The following NAP1L4 variants were observed in gnomAD, a reference collection of about 807,000 sequenced individuals.
NAP1L4 encodes the protein nucleosome assembly protein 1-like 4.
In NAP1L4, 15 loss-of-function variants were observed where a neutral mutation model predicts 58.2. The observed-to-expected ratio is 0.26, with a 90% confidence interval of 0.17 to 0.40. NAP1L4 has a LOEUF of 0.40. Ranked by LOEUF, NAP1L4 falls within the 10% of genes least tolerant of loss-of-function variation. The pLI is 1.00. For missense variants in NAP1L4, 384 were observed against 451.1 expected (o/e 0.85, Z 1.35); for synonymous variants, 171 against 155.6 (o/e 1.10, Z -0.74).
rs1186671419 is a variant in NAP1L4 at position 2,986,695 on chromosome 11, C to T, written c.-18+5559G>A. ...AGGCTGGCGTGCAGTGGCGCGATCT[C>T]GGCTCACTGCAACCTCCACCTCCCA... On this transcript the variant is annotated intron_variant, in intron 1 of 15. Transcript: ENST00000380542. Among the ~76,000 whole-genome samples, 3 of 149,018 alleles carry T rather than the reference C, an allele frequency of 2.0e-5. 1 individual carries two copies. The highest frequency in any genetic ancestry group is 7.5e-5 in the African/African-American group (3 of 40,218).
chr11:2,971,538 C>T lies in NAP1L4; in HGVS notation c.316-4G>A. 6.2e-7 allele frequency: 1 copy of T among 1,611,972 alleles called. No homozygotes were observed. Among genetic ancestry groups the T allele is most frequent in the South Asian group, 1.1e-5 (1 of 91,012 alleles). ...CGCCGGTGATAAATTCTCTTCTCTA[C>T]ATAAAAATGAGACCTTATTAGAATT... On this transcript the variant is annotated splice_polypyrimidine_tract_variant and splice_region_variant and intron_variant, in intron 5 of 15. Coordinates refer to ENST00000380542, the MANE Select transcript of NAP1L4 (RefSeq NM_005969.4). The surrounding 1 kb of genome is among the most constrained non-coding windows in gnomAD (Gnocchi z 4.2).
chr11:2,975,931 T>A, intron 4 of NAP1L4, 93 bp downstream of exon 4: 1 of 1,117,660 alleles, frequency 8.9e-7, no homozygotes. Context: ...AAAAAAACAT[T>A]TAATCCTGTT....
Position 2,946,343 on chromosome 11 carries a change from G to A in NAP1L4, c.*33-697C>T, listed in dbSNP as rs1845939683. 6.6e-6 allele frequency among the ~76,000 whole-genome samples: 1 copy of A among 152,168 alleles called. No homozygotes were observed. ...GGGACACAAAATTCCCCTCCCAGAG[G>A]AATGGATTAACTCCAATATTATCTA... On this transcript the variant is annotated intron_variant, in intron 15 of 15. Transcript: ENST00000380542. This position sits in a 1 kb window ranked among gnomAD's most constrained non-coding sequence, Gnocchi z 4.8.
At chr11:2,973,383 T>A (rs1847762537) in intron 4 of NAP1L4, among the ~76,000 whole-genome samples, 1 of 152,212 alleles carries the variant, frequency 6.6e-6, no homozygotes, top group Admixed American at 6.5e-5. Context: ...CCTGGCCTCA[T>A]CATAGACCCA....
intron 14 of NAP1L4, among the ~76,000 whole-genome samples, chr11:2,950,055 A>G (rs1200076759): frequency 6.6e-6 from 1 of 152,248 alleles, no homozygotes; most frequent in Non-Finnish European, 1.5e-5. Context: ...GATGGGCAGC[A>G]TTTATTCACC....
chr11:2,987,117 C>T (rs1848680025), intron 1 of NAP1L4, among the ~76,000 whole-genome samples: 1 of 151,970 alleles, frequency 6.6e-6, no homozygotes, highest in South Asian at 2.1e-4. Context: ...ATCAAGATAC[C>T]CCTGTAGGAC....
intron 1 of NAP1L4, chr11:2,988,208 T>C (rs7127415): frequency 0.4 from 60,171 of 152,180 alleles, 13,352 homozygotes; most frequent in African/African-American, 0.6. Context: ...CAGCAGTCTT[T>C]ACTGCTGCAC....
intron 8 of NAP1L4, among the ~76,000 whole-genome samples, chr11:2,963,333 C>T (rs1022192752): frequency 1.2e-4 from 18 of 152,100 alleles, no homozygotes; most frequent in African/African-American, 3.6e-4. Context: ...CGTGCCCAGG[C>T]GGCTCCTGGG....
rs371713678 is a variant in NAP1L4, at chr11:2,971,404, C to T, written c.402+44G>A. On this transcript the variant is annotated intron_variant, in intron 6 of 15. Transcript: ENST00000380542. This position sits in a 1 kb window ranked among gnomAD's most constrained non-coding sequence, Gnocchi z 4.2. ...ATCATTAAAAAATGCTTATTTTTAACAGTATTAAAACAGAACATGAGTCAC... is the reference window on the plus strand; with the variant it reads ...ATCATTAAAAAATGCTTATTTTTAATAGTATTAAAACAGAACATGAGTCAC... 7 of 1,514,788 alleles carry T rather than the reference C, an allele frequency of 4.6e-6. No homozygotes were observed. The highest frequency in any genetic ancestry group is 1.2e-5 in the South Asian group (1 of 86,640). The allele number at this position is 1,514,788 out of a possible 1,614,324, so 93.8% of individuals were successfully genotyped here. A position where few individuals can be genotyped will look rare whatever the true frequency, so the allele number is the denominator to read the frequency against.
rs568130851 is a variant in NAP1L4, at chr11:2,946,526, T to C, written c.*33-880A>G. On this transcript the variant is annotated intron_variant, in intron 15 of 15. Coordinates refer to ENST00000380542, the MANE Select transcript of NAP1L4 (RefSeq NM_005969.4). This position sits in a 1 kb window ranked among gnomAD's most constrained non-coding sequence, Gnocchi z 4.8. ...TATGATTTCTGGCTAAGATTACAAA[T>C]TGCCCTTAATCCAGCGTGCCTATGG... Among the ~76,000 whole-genome samples the C allele has an allele frequency of 8.5e-5, 13 of 152,282 alleles. No individual in the cohort carries two copies. In the South Asian group the frequency reaches 2.7e-3, roughly 32 times the overall value.
chr11:2,982,194 A>G (rs1208027889), intron 1 of NAP1L4, among the ~76,000 whole-genome samples: 1 of 152,212 alleles, frequency 6.6e-6, no homozygotes, highest in Non-Finnish European at 1.5e-5. Flanking sequence ...CAATAGCAGG[A>G]CCGCTACAGT....
In NAP1L4 at chr11:2,976,008, T is replaced by C. The variant is rs1332768460; in HGVS notation, c.173+16A>G. ...TTTCTCCAAATTGCATGAGACCCTA[T>C]TCACAGCACACTTACGTTTCGATGT... On this transcript the variant is annotated intron_variant, in intron 4 of 15. Transcript: ENST00000380542. 1 of 1,602,264 alleles carries C rather than the reference T, an allele frequency of 6.2e-7. No homozygotes were observed. Among genetic ancestry groups the C allele is most frequent in the Non-Finnish European group, 8.5e-7 (1 of 1,174,574 alleles).
chr11:2,951,010 G>T lies in NAP1L4; in HGVS notation c.1122+249C>A. ...ACTTGGAAAGTCAAGTTGCTCTACT[G>T]AGGAGTCTATGTAAATAAGACACAG... On this transcript the variant is annotated intron_variant, in intron 14 of 15. Transcript: ENST00000380542. This position sits in a 1 kb window ranked among gnomAD's most constrained non-coding sequence, Gnocchi z 4.0. 2.3e-6 allele frequency: 1 copy of T among 432,408 alleles called. No homozygotes were observed. Among genetic ancestry groups the T allele is most frequent in the Non-Finnish European group, 4.1e-6 (1 of 245,216 alleles). The allele number at this position is 432,408 out of a possible 1,614,324, so 26.8% of individuals were successfully genotyped here.
At chr11:2,968,178 C>T (rs909044046) in intron 7 of NAP1L4, among the ~76,000 whole-genome samples, 4 of 152,210 alleles carry the variant, frequency 2.6e-5, no homozygotes, top group African/African-American at 9.7e-5. Context: ...AAGAGCTAGT[C>T]TTTCCACCTG....
In NAP1L4 at chr11:2,955,683, G is replaced by A; in HGVS notation, c.915+61C>T. 6.5e-7 allele frequency: 1 copy of A among 1,531,436 alleles called. No homozygotes were observed. The highest frequency in any genetic ancestry group is 1.4e-5 in the African/African-American group (1 of 72,602). The allele number at this position is 1,531,436 out of a possible 1,614,324, so 94.9% of individuals were successfully genotyped here. A position where few individuals can be genotyped will look rare whatever the true frequency, so the allele number is the denominator to read the frequency against. ...TGGACTTTTTTTAACAAGTAGACAA[G>A]TAGACATTCACTCAGGAGAGACTTC... On this transcript the variant is annotated intron_variant, in intron 11 of 15. Coordinates refer to ENST00000380542, the MANE Select transcript of NAP1L4 (RefSeq NM_005969.4). This position sits in a 1 kb window ranked among gnomAD's most constrained non-coding sequence, Gnocchi z 4.2.
At position 2,987,808 on chromosome 11, in the gene NAP1L4, G is replaced by A. The variant is rs140415789; in HGVS notation, c.-18+4446C>T. On this transcript the variant is annotated intron_variant, in intron 1 of 15. Coordinates refer to ENST00000380542, the MANE Select transcript of NAP1L4 (RefSeq NM_005969.4). ...GAATAATACATGTTTGCCCACTAAA[G>A]AACAAGTTCCACGAGGGCAGGGACC... Among the ~76,000 whole-genome samples, 532 of 131,192 alleles carry A rather than the reference G, an allele frequency of 4.1e-3. 1 individual carries two copies. Among genetic ancestry groups the A allele is most frequent in the Non-Finnish European group, 6.0e-3 (366 of 60,580 alleles). The allele number at this position is 131,192 out of a possible 152,430, so 86.1% of individuals were successfully genotyped here. A position where few individuals can be genotyped will look rare whatever the true frequency, so the allele number is the denominator to read the frequency against.
intron 1 of NAP1L4, among the ~76,000 whole-genome samples, chr11:2,979,488 CTCGGCCTGGCGCGGTGG>C (rs1848173867): frequency 6.6e-6 from 1 of 152,108 alleles, no homozygotes; most frequent in African/African-American, 2.4e-5. Context: ...AAAAAAATTT[CTCGGCCTGGCGCGGTGG>C]TTCACGCCTG....
intron 7 of NAP1L4, among the ~76,000 whole-genome samples, chr11:2,967,474 G>A (rs1847352430): frequency 6.6e-6 from 1 of 152,046 alleles, no homozygotes; most frequent in African/African-American, 2.4e-5. Flanking sequence ...AGCCAGGCGT[G>A]GTGGCGGATG....
Position 2,958,500 on chromosome 11 carries a change from G to A in NAP1L4, c.791C>T (p.Thr264Ile), listed in dbSNP as rs767978143. Residue 264 changes from threonine to isoleucine, a missense_variant, in exon 10 of 16, where the codon ACC becomes ATC. Physicochemically the swap from Thr to Ile is moderately conservative, Grantham distance 89. Around this residue, in one of 3 missense-constraint regions of NAP1L4, gnomAD observed 296 missense variants for 360.8 expected, o/e 0.82. Coordinates refer to ENST00000380542, the MANE Select transcript of NAP1L4 (RefSeq NM_005969.4). ...CTTATGCTTCTGCTTTTTCTTGATG[G>A]TTTTGACAGTAACATTCTTTCCTTT... ...WKKGKNVTVK[T>I]IKKKQKHKGR... is the part of the protein sequence containing the mutation. 1.9e-6 allele frequency: 3 copies of A among 1,614,040 alleles called. No individual in the cohort carries two copies. The highest frequency in any genetic ancestry group is 1.1e-5 in the South Asian group (1 of 91,068).
Sources: gnomAD v4.1 joint callset for allele counts (sites outside exome capture counted in the v4.1 genomes callset) on GRCh38, gnomAD v4.1.1 for gene constraint, gnomAD v4.1.1 regional missense constraint, Gnocchi (gnomAD v3.1) non-coding constraint, MANE v1.5 for transcripts, NCBI Gene and HGNC (gene_info 2026-07-23, HGNC 2026-07-21) for gene names.